Variants in PPP2R2C observed in about 807,000 individuals in gnomAD.
PPP2R2C encodes the protein protein phosphatase 2, regulatory subunit B, gamma.
PPP2R2C carries 10 observed loss-of-function variants against 45.3 expected under a neutral mutation model. That is an observed-to-expected ratio of 0.22 (90% CI 0.14 to 0.37). PPP2R2C has a LOEUF of 0.37. PPP2R2C is among the 10% of genes least tolerant of loss of function. The probability of loss-of-function intolerance (pLI) is 1.00; values close to 1 mark genes in which losing one functional copy is unlikely to be tolerated. For synonymous variants in PPP2R2C, 257 were observed against 245.4 expected, an observed-to-expected ratio of 1.05 and a Z score of -0.44; for missense variants, 308 against 619.7, an observed-to-expected ratio of 0.50 and a Z score of 5.34.
rs1214417537 is a variant in PPP2R2C at position 6,323,439 on chromosome 4, C to G, written c.1207G>C (p.Asp403His). The G allele has an allele frequency of 6.2e-7, 1 of 1,613,514 alleles. No homozygotes were observed. The highest frequency in any genetic ancestry group is 8.5e-7 in the Non-Finnish European group (1 of 1,179,584). ...AAGTCCAAGCTGTCCACACTGATGT[C>G]ATCACGCCGGCGCTTGCCCCCCACG... ...VCVGGKRRRD[D>H]ISVDSLDFTK... is the part of the protein sequence containing the mutation. The change falls in exon 9 of 9, where the codon GAC (aspartate) becomes CAC (histidine). Residue 403 changes from aspartate to histidine, a missense_variant. Coordinates refer to ENST00000382599, the MANE Select transcript of PPP2R2C (RefSeq NM_020416.4).
At position 6,332,564 on chromosome 4, in the gene PPP2R2C, C is replaced by T. The variant is rs561537863; in HGVS notation, c.960+998G>A. 1.8e-4 allele frequency among the ~76,000 whole-genome samples: 27 copies of T among 152,318 alleles called. No individual in the cohort carries two copies. The highest frequency in any genetic ancestry group is 5.3e-4 in the African/African-American group (22 of 41,568). ...CCAGCGAGGCCTGCGCCACCCAGGACGCTTTCCTACTAGGTCTTCGCACGG... is the reference window on the plus strand; with the variant it reads ...CCAGCGAGGCCTGCGCCACCCAGGATGCTTTCCTACTAGGTCTTCGCACGG... On this transcript the variant is annotated intron_variant, in intron 7 of 8. Coordinates refer to ENST00000382599, the MANE Select transcript of PPP2R2C (RefSeq NM_020416.4). The surrounding 1 kb of genome is among the most constrained non-coding windows in gnomAD (Gnocchi z 4.9).
At chr4:6,337,633 G>A (rs1733082764) in intron 6 of PPP2R2C, among the ~76,000 whole-genome samples, 1 of 152,158 alleles carries the variant, frequency 6.6e-6, no homozygotes, top group South Asian at 2.1e-4. Context: ...ACTTGCGGGT[G>A]GATTCAGCCA....
chr4:6,489,087 T>G (rs892071942), intron 2 of PPP2R2C, among the ~76,000 whole-genome samples: 4 of 152,202 alleles, frequency 2.6e-5, no homozygotes, highest in African/African-American at 9.7e-5. Flanking sequence ...CTCCCCAGAC[T>G]CAGCTCATTC....
chr4:6,466,392 T>C (rs765388053), intron 1 of PPP2R2C, among the ~76,000 whole-genome samples: 3 of 152,220 alleles, frequency 2.0e-5, no homozygotes, highest in Non-Finnish European at 2.9e-5. Context: ...GGGACCTAGA[T>C]GACCACACAG....
chr4:6,505,953 G>A (rs1261729932), intron 2 of PPP2R2C, among the ~76,000 whole-genome samples: 1 of 152,092 alleles, frequency 6.6e-6, no homozygotes, highest in Non-Finnish European at 1.5e-5. Flanking sequence ...GTGACAGAGT[G>A]AGACTCCCTC....
chr4:6,458,780 G>A (rs28610561), intron 1 of PPP2R2C, among the ~76,000 whole-genome samples: 2 of 152,126 alleles, frequency 1.3e-5, no homozygotes, highest in East Asian at 3.9e-4. Flanking sequence ...GTTGTGGGAT[G>A]GGACCCTGGG....
Position 6,378,218 on chromosome 4 carries a change from C to T in PPP2R2C, c.334+189G>A. ...AAAGGGGGGCAGCCCTGTGTCCAGA[C>T]ACAGGGAGCGTCTGAGGGGGTCTGG... On this transcript the variant is annotated intron_variant, in intron 3 of 8. Coordinates refer to ENST00000382599, the MANE Select transcript of PPP2R2C (RefSeq NM_020416.4). This position sits in a 1 kb window ranked among gnomAD's most constrained non-coding sequence, Gnocchi z 5.2. 1 of 776,632 alleles carries T rather than the reference C, an allele frequency of 1.3e-6. No homozygotes were observed. The highest frequency in any genetic ancestry group is 1.6e-6 in the Non-Finnish European group (1 of 640,052). The allele number at this position is 776,632 out of a possible 1,614,324, so 48.1% of individuals were successfully genotyped here.
In PPP2R2C at chr4:6,375,949, A is replaced by T. The variant is rs1328199109; in HGVS notation, c.335-18T>A. On this transcript the variant is annotated intron_variant, in intron 3 of 8. Transcript: ENST00000382599. ...AGTTTTATCTTTAAAAACAGAACAA[A>T]ATAAAGCGAGTCACATAATTAAGCA... 3 of 1,590,866 alleles carry T rather than the reference A, an allele frequency of 1.9e-6. No homozygotes were observed. The highest frequency in any genetic ancestry group is 2.7e-5 in the African/African-American group (2 of 74,380).
chr4:6,335,458 G>A (rs1732771767), intron 6 of PPP2R2C, among the ~76,000 whole-genome samples: 1 of 152,172 alleles, frequency 6.6e-6, no homozygotes, highest in Non-Finnish European at 1.5e-5. Flanking sequence ...CGTGCAGGCA[G>A]AGAAAGGAGT....
rs370204190 is a variant in PPP2R2C, at chr4:6,531,021, C to T, written c.49+4250G>A. On this transcript the variant is annotated intron_variant, in intron 2 of 9. Transcript: ENST00000506140. ...GGTGTGTGGAGGGGAGGAGCCCGCT[C>T]TGAGTGACAGGGACCACAGAGCCAG... is the stretch of plus-strand genomic sequence containing the variant. Among the ~76,000 whole-genome samples the T allele has an allele frequency of 1.5e-4, 23 of 152,302 alleles. No homozygotes were observed. The East Asian group carries it at 4.1e-3, about 27-fold the overall frequency.
At chr4:6,475,190 C>T (rs1171287629), upstream of PPP2R2C, among the ~76,000 whole-genome samples, 5 of 151,316 alleles carry the variant, frequency 3.3e-5, no homozygotes, top group African/African-American at 1.2e-4. Flanking sequence ...TGGAGATGAA[C>T]GGGGATGGAG....
At chr4:6,346,185 C>T (rs192766960) in intron 6 of PPP2R2C, among the ~76,000 whole-genome samples, 24 of 152,214 alleles carry the variant, frequency 1.6e-4, no homozygotes, top group East Asian at 3.9e-4. Flanking sequence ...CGACCTCTGA[C>T]GCCTGCTCCC....
intron 1 of PPP2R2C, among the ~76,000 whole-genome samples, chr4:6,400,865 T>C (rs1189502262): frequency 6.6e-6 from 1 of 152,204 alleles, no homozygotes; most frequent in Non-Finnish European, 1.5e-5. Context: ...CAAACCTCTC[T>C]GTAATGCCTC....
At position 6,350,874 on chromosome 4, in the gene PPP2R2C, G is replaced by C. The variant is rs926995554; in HGVS notation, c.626-2864C>G. ...GGCCACACTTGCAGCGTGAGTGGGA[G>C]GTGTGAAGTGGGTGTTTGAGGCCTT... On this transcript the variant is annotated intron_variant, in intron 5 of 8. Coordinates refer to ENST00000382599, the MANE Select transcript of PPP2R2C (RefSeq NM_020416.4). 1.0e-5 allele frequency: 10 copies of C among 985,422 alleles called. No homozygotes were observed. In the South Asian group the frequency reaches 3.3e-4, roughly 32 times the overall value. The allele number at this position is 985,422 out of a possible 1,614,324, so 61.0% of individuals were successfully genotyped here.
Position 6,373,679 on chromosome 4 carries a change from G to C in PPP2R2C, c.448-979C>G, listed in dbSNP as rs376180007. Among the ~76,000 whole-genome samples the C allele has an allele frequency of 3.9e-5, 6 of 152,372 alleles. No homozygotes were observed. In the South Asian group the frequency reaches 6.2e-4, roughly 16 times the overall value. On this transcript the variant is annotated intron_variant, in intron 4 of 8. Transcript: ENST00000382599. ...GTCCCTGAGCTCTCAGGGAACAGCT[G>C]AGATGGGAGGTGACAGCCTCGGTGC...
intron 5 of PPP2R2C, among the ~76,000 whole-genome samples, chr4:6,363,042 G>A (rs1052633036): frequency 2.6e-5 from 4 of 152,214 alleles, no homozygotes; most frequent in African/African-American, 7.2e-5. Context: ...GTGTGACACA[G>A]CAAGTAGTGA....
intron 1 of PPP2R2C, among the ~76,000 whole-genome samples, chr4:6,398,689 A>C (rs992411758): frequency 6.6e-6 from 1 of 152,240 alleles, no homozygotes; most frequent in Non-Finnish European, 1.5e-5. Flanking sequence ...ACAGCAAGGC[A>C]GTTTCTTAAA....
At chr4:6,336,267 G>A (rs992489390) in intron 6 of PPP2R2C, among the ~76,000 whole-genome samples, 1 of 151,954 alleles carries the variant, frequency 6.6e-6, no homozygotes, top group Non-Finnish European at 1.5e-5. Context: ...TCGTTCACAG[G>A]GGCGCCCTTC....
At chr4:6,529,142 G>A (rs1462446522) in intron 2 of PPP2R2C, among the ~76,000 whole-genome samples, 1 of 152,244 alleles carries the variant, frequency 6.6e-6, no homozygotes, top group African/African-American at 2.4e-5. Flanking sequence ...GAGGACGAGG[G>A]GCTGCTGGGC....
Sources: gnomAD v4.1 joint callset for allele counts (sites outside exome capture counted in the v4.1 genomes callset) on GRCh38, gnomAD v4.1.1 for gene constraint, Gnocchi (gnomAD v3.1) non-coding constraint, MANE v1.5 for transcripts, NCBI Gene and HGNC (gene_info 2026-07-23, HGNC 2026-07-21) for gene names.